Variants in RTL4 observed in about 807,000 individuals in gnomAD.
The protein encoded by RTL4 is retrotransposon Gag like 4.
A neutral mutation model predicts 5.3 loss-of-function variants in RTL4; 4 were observed. That is an observed-to-expected ratio of 0.75 (90% CI 0.37 to 1.72). The LOEUF (loss-of-function observed/expected upper bound fraction) is 1.72, where lower values mean the gene tolerates loss of function less well. Ranked by LOEUF, RTL4 falls within the 40% of genes most tolerant of loss-of-function variation. The pLI, the probability that RTL4 is intolerant of heterozygous loss-of-function variation, is 0.04. For missense variants in RTL4, 260 were observed against 227.1 expected (o/e 1.14, Z -0.93); for synonymous variants, 98 against 87.3 (o/e 1.12, Z -0.68).
At chrX:112,238,758 G>A in the RTL4 span, among the ~76,000 whole-genome samples, 1 of 111,020 alleles carries the variant, frequency 9.0e-6, no homozygotes, top group African/African-American at 3.3e-5. Context: ...GAACCAACAG[G>A]CACAGACAAA....
the RTL4 span, among the ~76,000 whole-genome samples, chrX:112,445,340 T>C: frequency 8.9e-6 from 1 of 112,655 alleles, no homozygotes; most frequent in South Asian, 3.6e-4. Context: ...ACATGTTCCT[T>C]GAAAAGCTTT....
At chrX:112,236,482 GATCTAT>G in the RTL4 span, among the ~76,000 whole-genome samples, 3 of 80,089 alleles carry the variant, frequency 3.7e-5, no homozygotes, top group Non-Finnish European at 7.0e-5. Context: ...TATAGATATA[GATCTAT>G]ATCTATATAT....
At chrX:112,254,718 A>G in the RTL4 span, among the ~76,000 whole-genome samples, 3 of 111,176 alleles carry the variant, frequency 2.7e-5, no homozygotes, top group African/African-American at 9.8e-5. Context: ...AGGCTATGTG[A>G]AGTCCCAGAG....
At chrX:112,363,877 A>G in the RTL4 span, among the ~76,000 whole-genome samples, 17 of 111,328 alleles carry the variant, frequency 1.5e-4, no homozygotes, top group African/African-American at 5.5e-4. Flanking sequence ...GTGGTGACCC[A>G]GAGGCTGTGA....
At chrX:112,407,752 G>A in the RTL4 span, among the ~76,000 whole-genome samples, 1 of 112,873 alleles carries the variant, frequency 8.9e-6, no homozygotes, top group Non-Finnish European at 1.9e-5. Context: ...TAGTAGTGAT[G>A]GCCACAGTGG....
chrX:112,169,081 TTCTTTTCTTTC>T, the RTL4 span, among the ~76,000 whole-genome samples: 1 of 41,470 alleles, frequency 2.4e-5, no homozygotes, highest in East Asian at 1.2e-3. Flanking sequence ...TTTTCTTTCT[TTCTTTTCTTTC>T]TTTCTTTCTT....
At chrX:112,160,788 T>A in the RTL4 span, among the ~76,000 whole-genome samples, 1 of 110,866 alleles carries the variant, frequency 9.0e-6, no homozygotes, top group Non-Finnish European at 1.9e-5. Flanking sequence ...TGTGTATCTA[T>A]GTATGTTTTG....
At chrX:112,084,565 C>A in the RTL4 span, among the ~76,000 whole-genome samples, 1 of 110,853 alleles carries the variant, frequency 9.0e-6, no homozygotes, top group Non-Finnish European at 1.9e-5. Context: ...TACTGTGAAC[C>A]AGCAAACTAA....
At chrX:112,126,036 G>A in the RTL4 span, among the ~76,000 whole-genome samples, 2 of 111,583 alleles carry the variant, frequency 1.8e-5, no homozygotes, top group South Asian at 3.8e-4. Context: ...CCCTATTAAA[G>A]TGAATCATAA....
the RTL4 span, among the ~76,000 whole-genome samples, chrX:112,329,290 G>T: frequency 9.1e-6 from 1 of 110,432 alleles, no homozygotes; most frequent in Non-Finnish European, 1.9e-5. Context: ...AAAGAGAGAA[G>T]AATCAAATAG....
chrX:112,438,496 T>C, the RTL4 span, among the ~76,000 whole-genome samples: 1 of 112,790 alleles, frequency 8.9e-6, no homozygotes, highest in Non-Finnish European at 1.9e-5. Flanking sequence ...AGCAGTGGCA[T>C]GGAAGCATTC....
the RTL4 span, among the ~76,000 whole-genome samples, chrX:112,326,935 AACTGAGGGTCCT>A: frequency 9.8e-5 from 11 of 111,689 alleles, no homozygotes; most frequent in Admixed American, 1.0e-3. Flanking sequence ...ACAGACCTGC[AACTGAGGGTCCT>A]GTCTGTTAGA....
the RTL4 span, among the ~76,000 whole-genome samples, chrX:112,212,008 TTATCC>T: frequency 8.9e-6 from 1 of 112,474 alleles, no homozygotes; most frequent in African/African-American, 3.2e-5. Flanking sequence ...TTACCCTTTC[TTATCC>T]TAAAATTATC....
At chrX:112,195,017 G>T in the RTL4 span, among the ~76,000 whole-genome samples, 1 of 111,350 alleles carries the variant, frequency 9.0e-6, no homozygotes, top group African/African-American at 3.3e-5. Flanking sequence ...GATAATGCAA[G>T]ATTTCTGTTT....
the RTL4 span, among the ~76,000 whole-genome samples, chrX:112,228,042 T>C: frequency 1.8e-5 from 2 of 111,292 alleles, no homozygotes; most frequent in Non-Finnish European, 3.8e-5. Flanking sequence ...GATAAAGGTA[T>C]GACAATATTT....
At chrX:112,365,685 C>G in the RTL4 span, among the ~76,000 whole-genome samples, 1 of 111,677 alleles carries the variant, frequency 9.0e-6, no homozygotes, top group South Asian at 3.7e-4. Context: ...GACTTGAATG[C>G]CTCTGATTCT....
chrX:112,143,124 C>A, the RTL4 span, among the ~76,000 whole-genome samples: 1 of 111,144 alleles, frequency 9.0e-6, no homozygotes, highest in African/African-American at 3.3e-5. Flanking sequence ...CCACCGCACC[C>A]GGCCTGGAGA....
the RTL4 span, among the ~76,000 whole-genome samples, chrX:112,175,415 C>T: frequency 7.3e-5 from 8 of 109,013 alleles, no homozygotes; most frequent in African/African-American, 2.7e-4. Flanking sequence ...TTTCTGAGGG[C>T]TCTGTTCTGT....
the RTL4 span, among the ~76,000 whole-genome samples, chrX:112,085,912 C>T: frequency 5.4e-5 from 6 of 111,776 alleles, no homozygotes; most frequent in African/African-American, 2.0e-4. Context: ...TCATTGTTAT[C>T]AACAATGCCA....
Sources: allele counts gnomAD v4.1 joint callset (sites outside exome capture counted in the v4.1 genomes callset), GRCh38; gene constraint gnomAD v4.1.1; transcripts MANE v1.5; gene names NCBI Gene and HGNC (gene_info 2026-07-23, HGNC 2026-07-21).